ATP7A: variants seen among roughly 807,000 people sequenced by gnomAD.
The protein encoded by ATP7A is ATPase copper transporting alpha.
Under a neutral mutation model 83.5 loss-of-function variants are expected in ATP7A, and 7 were observed. The observed-to-expected ratio is 0.08, with a 90% CI of 0.05 to 0.16. The LOEUF (loss-of-function observed/expected upper bound fraction) is 0.16. Ranked by LOEUF, ATP7A falls within the 10% of genes least tolerant of loss-of-function variation. ATP7A has a pLI of 1.00. For missense variants in ATP7A, 940 were observed against 1,120.8 expected, an observed-to-expected ratio of 0.84 and a Z score of 2.30; for synonymous variants, 354 against 395.2, an observed-to-expected ratio of 0.90 and a Z score of 1.24.
intron 2 of ATP7A, among the ~76,000 whole-genome samples, chrX:77,981,259 T>A (rs1176706548): frequency 9.0e-6 from 1 of 111,361 alleles, no homozygotes; most frequent in Non-Finnish European, 1.9e-5. Context: ...AACATAGGCA[T>A]TTTTATTATT....
intron 1 of ATP7A, among the ~76,000 whole-genome samples, chrX:77,917,207 A>G (rs993039498): frequency 8.9e-6 from 1 of 112,223 alleles, no homozygotes; most frequent in Admixed American, 9.5e-5. Context: ...CAATCAGTGA[A>G]GGGACTTGCT....
At chrX:78,043,576 C>A in intron 21 of ATP7A, 142 bp downstream of exon 21, 3 of 466,681 alleles carry the variant, frequency 6.4e-6, no homozygotes, top group Non-Finnish European at 3.8e-6. Flanking sequence ...ATGTTAAAAT[C>A]AATCATTTTA....
In ATP7A at chrX:78,015,647, G is replaced by A. The variant is rs953498355; in HGVS notation, c.2499-107G>A. On this transcript the variant is annotated intron_variant, in intron 11 of 22. Transcript: ENST00000341514. ...TAAATGTTGGTTCTAGCTTCCATTGGCAGTAATTATGGAGCCACAAGCTTG... is the reference window on the plus strand; with the variant it reads ...TAAATGTTGGTTCTAGCTTCCATTGACAGTAATTATGGAGCCACAAGCTTG... 3.7e-5 allele frequency: 38 copies of A among 1,022,651 alleles called. No homozygotes were observed. In the African/African-American group the frequency reaches 5.6e-4, roughly 15 times the overall value. The allele number at this position is 1,022,651 out of a possible 1,213,427, so 84.3% of individuals were successfully genotyped here.
chrX:77,963,025 T>A (rs1028469257), intron 1 of ATP7A: 1 of 215,003 alleles, frequency 4.7e-6, no homozygotes, highest in Admixed American at 6.3e-5. Context: ...GAAGTTTTTC[T>A]TGGTTTTCTT....
chrX:77,965,596 A>T (rs1281042250), intron 1 of ATP7A, among the ~76,000 whole-genome samples: 2 of 111,763 alleles, frequency 1.8e-5, no homozygotes, highest in Non-Finnish European at 3.8e-5. Flanking sequence ...ACAGTCTGGC[A>T]GATCCTCAAA....
chrX:78,017,748 C>A (rs1309002363), intron 12 of ATP7A, among the ~76,000 whole-genome samples: 4 of 104,184 alleles, frequency 3.8e-5, no homozygotes, highest in African/African-American at 1.4e-4. Flanking sequence ...AAATGCCATC[C>A]GTCTCTTTTC....
chrX:78,036,772 T>C (rs2078016413), intron 17 of ATP7A, among the ~76,000 whole-genome samples: 1 of 110,713 alleles, frequency 9.0e-6, no homozygotes, highest in Admixed American at 9.6e-5. Context: ...TCCCAGCTAC[T>C]CGGGAGGCTG....
At chrX:77,972,196 T>G (rs963802607) in intron 2 of ATP7A, among the ~76,000 whole-genome samples, 7 of 110,772 alleles carry the variant, frequency 6.3e-5, no homozygotes, top group Non-Finnish European at 1.3e-4. Context: ...GGTTTTTATT[T>G]TTAGTTTTTT....
intron 2 of ATP7A, among the ~76,000 whole-genome samples, chrX:77,985,347 G>A (rs1475076821): frequency 1.0e-5 from 1 of 97,886 alleles, no homozygotes; most frequent in African/African-American, 3.6e-5. Context: ...TTTAAAATGA[G>A]AACAATTTCT....
At chrX:77,934,838 G>A (rs1382565335) in intron 1 of ATP7A, among the ~76,000 whole-genome samples, 2 of 109,451 alleles carry the variant, frequency 1.8e-5, no homozygotes, top group Non-Finnish European at 3.8e-5. Context: ...TGAGCACCAA[G>A]TGAGATAAGT....
intron 2 of ATP7A, among the ~76,000 whole-genome samples, chrX:77,978,280 G>T (rs1475081311): frequency 9.0e-6 from 1 of 110,593 alleles, no homozygotes; most frequent in Non-Finnish European, 1.9e-5. Context: ...GCTATAGGTG[G>T]TTCTTTGTCA....
intron 1 of ATP7A, among the ~76,000 whole-genome samples, chrX:77,954,261 T>C (rs937567611): frequency 8.9e-6 from 1 of 111,945 alleles, no homozygotes; most frequent in South Asian, 3.7e-4. Context: ...TGCCTCTGCC[T>C]CACTCTCCGA....
chrX:78,029,980 A>G (rs782074853), intron 15 of ATP7A, among the ~76,000 whole-genome samples: 79 of 112,423 alleles, frequency 7.0e-4, no homozygotes, highest in Non-Finnish European at 1.2e-3. Flanking sequence ...TTCTACTAGT[A>G]TGTTCTTATT....
intron 11 of ATP7A, among the ~76,000 whole-genome samples, chrX:78,014,994 A>G (rs782225796): frequency 8.9e-6 from 1 of 112,086 alleles, no homozygotes; most frequent in Non-Finnish European, 1.9e-5. Flanking sequence ...ATCTCTAAAA[A>G]AGGATATATT....
intron 1 of ATP7A, among the ~76,000 whole-genome samples, chrX:77,940,735 C>T (rs2077346871): frequency 9.0e-6 from 1 of 111,674 alleles, no homozygotes; most frequent in Admixed American, 9.5e-5. Flanking sequence ...AAGGTAAACA[C>T]CCAAAATAAA....
intron 1 of ATP7A, among the ~76,000 whole-genome samples, chrX:77,929,707 A>G (rs782060647): frequency 2.8e-5 from 3 of 107,499 alleles, no homozygotes; most frequent in Non-Finnish European, 3.8e-5. Flanking sequence ...GGCTCAAGCA[A>G]TCCTCCCGCT....
chrX:78,030,852 C>T (rs2077979126), intron 15 of ATP7A, among the ~76,000 whole-genome samples: 1 of 109,349 alleles, frequency 9.1e-6, no homozygotes, highest in Non-Finnish European at 1.9e-5. Context: ...CCACCATGCC[C>T]AGCTAACTTT....
chrX:77,940,865 G>A (rs2077347559), intron 1 of ATP7A, among the ~76,000 whole-genome samples: 1 of 111,764 alleles, frequency 8.9e-6, no homozygotes, highest in Admixed American at 9.5e-5. Flanking sequence ...GATTGACAAA[G>A]CTTAAAAAGA....
intron 21 of ATP7A, among the ~76,000 whole-genome samples, chrX:78,045,007 A>G (rs1474261613): frequency 8.9e-6 from 1 of 112,469 alleles, no homozygotes; most frequent in Non-Finnish European, 1.9e-5. Flanking sequence ...GAAAAAGTAG[A>G]AAAATATAAA....
Sources: allele counts gnomAD v4.1 joint callset (sites outside exome capture counted in the v4.1 genomes callset), GRCh38; gene constraint gnomAD v4.1.1; transcripts MANE v1.5; gene names NCBI Gene and HGNC (gene_info 2026-07-23, HGNC 2026-07-21).